Variants in FOXP2 observed in about 807,000 individuals in gnomAD.
FOXP2 encodes forkhead box protein P2.
FOXP2 carries 12 observed loss-of-function variants against 115.8 expected under a neutral mutation model. The observed-to-expected ratio is 0.10, with a 90% confidence interval of 0.07 to 0.17. The LOEUF (loss-of-function observed/expected upper bound fraction) is 0.17. FOXP2 is among the 10% of genes least tolerant of loss of function. FOXP2 has a pLI of 1.00. For missense variants in FOXP2, 629 were observed against 843.5 expected (o/e 0.75, Z 3.15); for synonymous variants, 328 against 297.7 (o/e 1.10, Z -1.05).
At chr7:114,265,133 T>C (rs1266946130) in intron 1 of FOXP2, among the ~76,000 whole-genome samples, 1 of 152,180 alleles carries the variant, frequency 6.6e-6, no homozygotes, top group Non-Finnish European at 1.5e-5. Context: ...AAGTCTTAAC[T>C]CATTTCAGCA....
intron 2 of FOXP2, among the ~76,000 whole-genome samples, chr7:114,367,929 T>G (rs1791919580): frequency 1.3e-5 from 2 of 152,204 alleles, no homozygotes; most frequent in South Asian, 4.1e-4. Flanking sequence ...TTTTTGGTAT[T>G]GGCTTTGTAC....
intron 2 of FOXP2, among the ~76,000 whole-genome samples, chr7:114,404,968 G>A (rs1262937781): frequency 4.6e-5 from 7 of 151,922 alleles, no homozygotes; most frequent in Middle Eastern, 3.4e-3. Context: ...CCTTTTCTGT[G>A]TATCTCTGAT....
chr7:114,489,306 C>A (rs73208664), intron 2 of FOXP2, among the ~76,000 whole-genome samples: 1 of 151,920 alleles, frequency 6.6e-6, no homozygotes, highest in Admixed American at 6.6e-5. Flanking sequence ...TTTTTTGAAA[C>A]TAGACTCTAG....
At chr7:114,573,567 C>G (rs1801426706) in intron 3 of FOXP2, among the ~76,000 whole-genome samples, 1 of 151,698 alleles carries the variant, frequency 6.6e-6, no homozygotes, top group African/African-American at 2.4e-5. Context: ...CAATAGTTTT[C>G]AAATGTTAAG....
chr7:114,468,867 A>G (rs928953847), intron 2 of FOXP2, among the ~76,000 whole-genome samples: 2 of 152,182 alleles, frequency 1.3e-5, no homozygotes, highest in Non-Finnish European at 2.9e-5. Context: ...TAAGTGCTCA[A>G]TAAATATTTC....
chr7:114,664,582 C>T, intron 16 of FOXP2, 146 bp downstream of exon 16: 1 of 903,738 alleles, frequency 1.1e-6, no homozygotes, highest in African/African-American at 1.7e-5. Flanking sequence ...CATAATATGA[C>T]AAAGTTTATC....
chr7:114,333,927 G>C (rs898093512), intron 2 of FOXP2, among the ~76,000 whole-genome samples: 1 of 151,738 alleles, frequency 6.6e-6, no homozygotes, highest in South Asian at 2.1e-4. Context: ...ACTTGGTGCG[G>C]AAAAAAGTTC....
chr7:114,101,899 T>TTGTGTGTGTG lies in FOXP2; in HGVS notation c.-247+14093_-247+14102dup, dbSNP rs5886693. ...TGATTTTCCATTTCGCTTCAACATT[T>TTGTGTGTGTG]TGTGTGTGTGTGTGTGTGTGTGTGT... On this transcript the variant is annotated intron_variant, in intron 1 of 19. Coordinates refer to the FOXP2 transcript ENST00000635638. Among the ~76,000 whole-genome samples the TTGTGTGTGTG allele has an allele frequency of 7.6e-4, 108 of 142,512 alleles. 1 individual carries two copies. Among genetic ancestry groups the TTGTGTGTGTG allele is most frequent in the Middle Eastern group, 7.3e-3 (2 of 274 alleles). The allele number at this position is 142,512 out of a possible 152,430, so 93.5% of individuals were successfully genotyped here.
chr7:114,091,160 C>T (rs1004781403), intron 1 of FOXP2, among the ~76,000 whole-genome samples: 9 of 151,798 alleles, frequency 5.9e-5, no homozygotes, highest in Admixed American at 2.6e-4. Context: ...TTGCTCTGCT[C>T]TGTGTATTTA....
intron 1 of FOXP2, among the ~76,000 whole-genome samples, chr7:114,271,518 T>G (rs1261031824): frequency 7.6e-6 from 1 of 130,868 alleles, no homozygotes; most frequent in Non-Finnish European, 1.6e-5. Context: ...AATATAATAT[T>G]AATATAATTA....
chr7:114,209,285 C>T (rs768039011), intron 1 of FOXP2, among the ~76,000 whole-genome samples: 1 of 152,176 alleles, frequency 6.6e-6, no homozygotes, highest in African/African-American at 2.4e-5. Flanking sequence ...GCGGCCTCTC[C>T]AGCCATGCTG....
chr7:114,531,631 TCTCTA>T (rs1799147002), intron 2 of FOXP2, among the ~76,000 whole-genome samples: 1 of 151,954 alleles, frequency 6.6e-6, no homozygotes, highest in African/African-American at 2.4e-5. Context: ...ACTATAGCAG[TCTCTA>T]CTCTACCAAA....
At chr7:114,166,535 G>A (rs758515408) in intron 1 of FOXP2, among the ~76,000 whole-genome samples, 9 of 151,928 alleles carry the variant, frequency 5.9e-5, no homozygotes, top group Middle Eastern at 3.4e-3. Flanking sequence ...AATCCTTGTC[G>A]CTACTGAAAA....
chr7:114,398,695 T>C (rs1278339757), intron 2 of FOXP2, among the ~76,000 whole-genome samples: 2 of 152,234 alleles, frequency 1.3e-5, no homozygotes, highest in African/African-American at 4.8e-5. Flanking sequence ...CTACAGCTTT[T>C]CTGGAACAAA....
At chr7:114,526,991 A>AT (rs200748852) in intron 2 of FOXP2, among the ~76,000 whole-genome samples, 10,305 of 128,784 alleles carry the variant, frequency 0.08, 452 homozygotes, top group Middle Eastern at 0.19. Flanking sequence ...CCACTAATCT[A>AT]TTTTTTTTTT....
intron 16 of FOXP2, chr7:114,667,749 T>G (rs1686157296): frequency 6.6e-6 from 1 of 152,178 alleles, no homozygotes; most frequent in South Asian, 2.1e-4. Flanking sequence ...GTTATCAGCT[T>G]GACTTTGACA....
chr7:114,644,849 C>T (rs1056496576), intron 8 of FOXP2, 60 bp downstream of exon 8: 122 of 1,246,452 alleles, frequency 9.8e-5, no homozygotes, highest in Non-Finnish European at 1.3e-4. Flanking sequence ...GCATTTTAGG[C>T]ACATTGTAAA....
chr7:114,180,238 G>T (rs1793422279), intron 1 of FOXP2, among the ~76,000 whole-genome samples: 1 of 151,988 alleles, frequency 6.6e-6, no homozygotes, highest in African/African-American at 2.4e-5. Context: ...CTTCTCTGAA[G>T]TATTTAACAG....
At chr7:114,136,281 C>A (rs1417556619) in intron 1 of FOXP2, among the ~76,000 whole-genome samples, 1 of 151,992 alleles carries the variant, frequency 6.6e-6, no homozygotes, top group African/African-American at 2.4e-5. Flanking sequence ...AACTTCTACT[C>A]AATACTGATT....
Sources: allele counts gnomAD v4.1 joint callset (sites outside exome capture counted in the v4.1 genomes callset), GRCh38; gene constraint gnomAD v4.1.1; transcripts MANE v1.5; gene names NCBI Gene and HGNC (gene_info 2026-07-23, HGNC 2026-07-21).